The following EPHA5 variants were observed in gnomAD, a reference collection of about 807,000 sequenced individuals.
EPHA5 encodes the protein EPH receptor A5.
A neutral mutation model predicts 105.0 loss-of-function variants in EPHA5; 60 were observed. That is an observed-to-expected ratio of 0.57 (90% CI 0.46 to 0.71). EPHA5 has a LOEUF of 0.71. EPHA5 is among the 30% of genes least tolerant of loss of function. EPHA5 has a pLI of 0.00. For synonymous variants in EPHA5, 513 were observed against 449.1 expected, an observed-to-expected ratio of 1.14 and a Z score of -1.80; for missense variants, 1,218 against 1,274.7, an observed-to-expected ratio of 0.96 and a Z score of 0.68.
At chr4:65,498,466 T>A (rs1252748847) in intron 3 of EPHA5, among the ~76,000 whole-genome samples, 1 of 151,796 alleles carries the variant, frequency 6.6e-6, no homozygotes, top group Non-Finnish European at 1.5e-5. Context: ...GCAGCCTGGG[T>A]AAAAAAGCAA....
intron 3 of EPHA5, among the ~76,000 whole-genome samples, chr4:65,561,481 G>GC (rs745966462): frequency 2.0e-5 from 3 of 152,102 alleles, no homozygotes; most frequent in African/African-American, 4.8e-5. Flanking sequence ...AGTGCAATGT[G>GC]CTGAGGCATA....
intron 7 of EPHA5, among the ~76,000 whole-genome samples, chr4:65,411,999 C>T (rs1043449802): frequency 6.6e-6 from 1 of 152,114 alleles, no homozygotes; most frequent in Non-Finnish European, 1.5e-5. Context: ...GAGGCCAAGG[C>T]AAGCAGATCA....
intron 2 of EPHA5, among the ~76,000 whole-genome samples, chr4:65,617,550 C>A (rs1268078133): frequency 1.3e-5 from 2 of 152,102 alleles, no homozygotes; most frequent in African/African-American, 4.8e-5. Context: ...TTTTGAATAA[C>A]AATTACTTAT....
intron 5 of EPHA5, among the ~76,000 whole-genome samples, chr4:65,468,706 T>TAG (rs1560572158): frequency 2.1e-5 from 3 of 142,488 alleles, no homozygotes; most frequent in Non-Finnish European, 4.5e-5. Context: ...TATATATATA[T>TAG]AAAACAAGGT....
chr4:65,669,577 T>C lies in EPHA5; in HGVS notation c.166A>G (p.Ser56Gly). 1 of 1,409,284 alleles carries C rather than the reference T, an allele frequency of 7.1e-7. No individual in the cohort carries two copies. The highest frequency in any genetic ancestry group is 1.8e-5 in the South Asian group (1 of 56,372). 87.3% of individuals were successfully genotyped at this position (1,409,284 alleles called of 1,614,324 possible). The stretch of plus-strand genomic sequence containing the variant: ...ATCTCCCTACCTTCGTTGCTGGGGC[T>C]GGCCAGGAGGGTCCGGAGTGCGGCG... ...LCAALRTLLASPSNEVNLLDS... is the reference protein window; with the variant it reads ...LCAALRTLLAGPSNEVNLLDS... The change falls in exon 1 of 17, where the codon AGC becomes GGC. Residue 56 changes from serine (S) to glycine (G), a missense_variant. Ser to Gly is a moderately conservative substitution (Grantham distance 56). This residue lies in a region of EPHA5 where 233 missense variants were observed against 227.5 expected (regional missense o/e 1.02). Transcript: ENST00000613740.
At chr4:65,526,037 C>T (rs1019923799) in intron 3 of EPHA5, among the ~76,000 whole-genome samples, 2 of 151,742 alleles carry the variant, frequency 1.3e-5, no homozygotes, top group Admixed American at 1.3e-4. Context: ...TAAATCCTAT[C>T]AGTATTTAGC....
rs1264134618 is a variant in EPHA5, at chr4:65,338,767, AT to A, written c.2596-2643del. ...ATATTAGAAGTTTCCTTTTTTTTCC[AT>A]TTCTAATGATTCTTTATAATAGTTT... On this transcript the variant is annotated intron_variant, in intron 14 of 16. Transcript: ENST00000613740. Among the ~76,000 whole-genome samples the A allele has an allele frequency of 7.9e-5, 12 of 151,928 alleles. No homozygotes were observed. In the South Asian group the frequency reaches 1.2e-3, roughly 16 times the overall value.
At chr4:65,336,173 A>G in intron 14 of EPHA5, 48 bp from the exon 15 acceptor site, 2 of 1,461,612 alleles carry the variant, frequency 1.4e-6, no homozygotes, top group South Asian at 1.4e-5. Flanking sequence ...CAAATTTAGT[A>G]TAGAATAGCT....
chr4:65,585,973 G>A (rs1480698797), intron 3 of EPHA5, among the ~76,000 whole-genome samples: 1 of 150,662 alleles, frequency 6.6e-6, no homozygotes, highest in Non-Finnish European at 1.5e-5. Context: ...TATCATTTCT[G>A]GAATGTCTCC....
At chr4:65,592,173 C>T (rs1481794923) in intron 3 of EPHA5, among the ~76,000 whole-genome samples, 5 of 152,006 alleles carry the variant, frequency 3.3e-5, no homozygotes, top group Non-Finnish European at 5.9e-5. Flanking sequence ...TAAAAAAAAT[C>T]CTGAACTAAG....
chr4:65,525,068 G>A (rs1485252698), intron 3 of EPHA5, among the ~76,000 whole-genome samples: 1 of 151,602 alleles, frequency 6.6e-6, no homozygotes, highest in African/African-American at 2.4e-5. Flanking sequence ...GTCTTATGGT[G>A]TATATCTCAT....
chr4:65,351,636 CA>C (rs1722826843), intron 12 of EPHA5, 38 bp from the exon 13 acceptor site: 3 of 1,578,882 alleles, frequency 1.9e-6, no homozygotes, highest in Non-Finnish European at 1.7e-6. Context: ...CTAGCAACAC[CA>C]ATCACTGGGG....
intron 5 of EPHA5, among the ~76,000 whole-genome samples, chr4:65,479,161 C>A (rs892494463): frequency 3.9e-5 from 6 of 152,164 alleles, no homozygotes; most frequent in Non-Finnish European, 7.3e-5. Flanking sequence ...CACCTTACTA[C>A]ATGCCAAGCA....
intron 5 of EPHA5, among the ~76,000 whole-genome samples, chr4:65,436,572 T>G (rs1289008508): frequency 6.6e-6 from 1 of 151,990 alleles, no homozygotes; most frequent in Non-Finnish European, 1.5e-5. Flanking sequence ...TGGTACCACA[T>G]GCACATGAAA....
rs555699778 is a variant in EPHA5, at chr4:65,405,934, G to C, written c.1688-1455C>G. 1.6e-3 allele frequency among the ~76,000 whole-genome samples: 240 copies of C among 151,966 alleles called. 1 individual carries two copies. The highest frequency in any genetic ancestry group is 5.6e-3 in the African/African-American group (232 of 41,450). On this transcript the variant is annotated intron_variant, in intron 7 of 16. Coordinates refer to ENST00000613740, the MANE Select transcript of EPHA5 (RefSeq NM_001281766.3). ...TTTTTGGCAGAGGTCACTGTTTCTA[G>C]AGAAACCCATCCAGACTTCACTCAG...
At chr4:65,593,380 C>T (rs1742861659) in intron 3 of EPHA5, among the ~76,000 whole-genome samples, 1 of 152,050 alleles carries the variant, frequency 6.6e-6, no homozygotes, top group Non-Finnish European at 1.5e-5. Flanking sequence ...TATACTAACA[C>T]GGTCCTAATT....
intron 7 of EPHA5, among the ~76,000 whole-genome samples, chr4:65,412,445 A>G (rs575152497): frequency 6.6e-6 from 1 of 152,274 alleles, no homozygotes; most frequent in Admixed American, 6.5e-5. Context: ...TATTATACAT[A>G]AAGATCAAAA....
In EPHA5 at chr4:65,324,219, C is replaced by T. The variant is rs2148777186; in HGVS notation, c.2946G>A (p.Glu982=). The change falls in exon 17 of 17, where the codon GAG becomes GAA. Residue 982 remains glutamate, a splice_region_variant and synonymous_variant. Transcript: ENST00000613740. The part of the protein sequence containing the change: ...SMDAVAQVTL[E]DLRRLGVTLV... ...GAGTCACTCCAAGCCGTCTCAAATC[C>T]CTGCATGAAGAAAGCACACATTGGA... 6.2e-7 allele frequency: 1 copy of T among 1,604,400 alleles called. No homozygotes were observed. Among genetic ancestry groups the T allele is most frequent in the Non-Finnish European group, 8.5e-7 (1 of 1,173,262 alleles).
chr4:65,505,236 T>A (rs1224088300), intron 3 of EPHA5, among the ~76,000 whole-genome samples: 1 of 152,058 alleles, frequency 6.6e-6, no homozygotes, highest in Non-Finnish European at 1.5e-5. Flanking sequence ...TTATGCCTTC[T>A]CTACTCTTAA....
Sources: gnomAD v4.1 joint callset for allele counts (sites outside exome capture counted in the v4.1 genomes callset) on GRCh38, gnomAD v4.1.1 for gene constraint, gnomAD v4.1.1 regional missense constraint, MANE v1.5 for transcripts, NCBI Gene and HGNC (gene_info 2026-07-23, HGNC 2026-07-21) for gene names.